Variants in SAR1A observed in about 807,000 individuals in gnomAD.
SAR1A encodes the protein secretion associated Ras related GTPase 1A.
In SAR1A, 6 loss-of-function variants were observed where a neutral mutation model predicts 22.6. The observed-to-expected ratio is 0.27, with a 90% CI of 0.15 to 0.52. SAR1A has a LOEUF of 0.52. Ranked by LOEUF, SAR1A falls within the 20% of genes least tolerant of loss-of-function variation. The pLI is 0.96. For missense variants in SAR1A, 145 were observed against 245.1 expected (o/e 0.59, Z 2.73); for synonymous variants, 70 against 82.2 (o/e 0.85, Z 0.80).
In SAR1A at chr10:70,170,402, C is replaced by T. The variant is rs1449279648; in HGVS notation, c.-17+11G>A. ...CCCAACTCCCCTCCCCGACGCGACC[C>T]TCAGACTCACGGCCTGAGGGGCTCC... On this transcript the variant is annotated intron_variant, in intron 1 of 6. Transcript: ENST00000373241. The T allele has an allele frequency of 6.6e-6, 1 of 151,836 alleles. No homozygotes were observed. The highest frequency in any genetic ancestry group is 2.4e-5 in the African/African-American group (1 of 41,282). The allele number at this position is 151,836 out of a possible 1,614,324, so 9.4% of individuals were successfully genotyped here.
rs1839614639 is a variant in SAR1A at position 70,170,485 on chromosome 10, C to A, written c.-89G>T. The A allele has an allele frequency of 6.6e-6, 1 of 152,656 alleles. No individual in the cohort carries two copies. The highest frequency in any genetic ancestry group is 2.4e-5 in the African/African-American group (1 of 41,426). The allele number at this position is 152,656 out of a possible 1,614,324, so 9.5% of individuals were successfully genotyped here. On this transcript the variant is annotated 5_prime_UTR_variant, in exon 1 of 7. Coordinates refer to ENST00000373241, the MANE Select transcript of SAR1A (RefSeq NM_020150.5). ...CTCAGAGCACACTAACCAGCAGCAC[C>A]CGGGACCGCCAGCTACTCGCCGGAT...
chr10:70,165,252 G>A (rs554406761), intron 1 of SAR1A, among the ~76,000 whole-genome samples: 17 of 128,728 alleles, frequency 1.3e-4, no homozygotes, highest in African/African-American at 3.2e-4. Context: ...GCGACAGAGC[G>A]AGACTCCGTC....
chr10:70,164,425 T>C (rs1839518869), intron 1 of SAR1A, among the ~76,000 whole-genome samples: 1 of 152,234 alleles, frequency 6.6e-6, no homozygotes, highest in South Asian at 2.1e-4. Flanking sequence ...TTATGCCTTT[T>C]TTTAAAGTAG....
chr10:70,161,161 G>T, intron 3 of SAR1A, 92 bp from the exon 4 acceptor site: 1 of 936,540 alleles, frequency 1.1e-6, no homozygotes, highest in Non-Finnish European at 1.6e-6. Context: ...CTTTCATCTT[G>T]TAAAGAAAAA....
intron 1 of SAR1A, among the ~76,000 whole-genome samples, chr10:70,163,213 A>G (rs943575118): frequency 6.6e-6 from 1 of 152,254 alleles, no homozygotes; most frequent in African/African-American, 2.4e-5. Flanking sequence ...ACGTCAAGAA[A>G]ATGAAACAGC....
chr10:70,157,242 A>C (rs1268029468), intron 5 of SAR1A, among the ~76,000 whole-genome samples: 3 of 151,948 alleles, frequency 2.0e-5, no homozygotes, highest in Non-Finnish European at 2.9e-5. Flanking sequence ...GTCGCTACTA[A>C]AAATACAAAA....
intron 1 of SAR1A, among the ~76,000 whole-genome samples, chr10:70,169,846 T>C (rs1839602608): frequency 6.6e-6 from 1 of 152,126 alleles, no homozygotes; most frequent in Non-Finnish European, 1.5e-5. Context: ...AGGAAATTTT[T>C]CCATGCAGAG....
intron 5 of SAR1A, among the ~76,000 whole-genome samples, chr10:70,156,576 G>A (rs1839389640): frequency 1.3e-5 from 2 of 151,914 alleles, no homozygotes; most frequent in African/African-American, 4.8e-5. Context: ...GGAGGCTGAG[G>A]CAGGAATATC....
chr10:70,158,651 G>A (rs558786201), intron 4 of SAR1A, among the ~76,000 whole-genome samples: 1 of 151,658 alleles, frequency 6.6e-6, no homozygotes, highest in Non-Finnish European at 1.5e-5. Context: ...AGTGGAGCTA[G>A]GAAAAAGAGG....
intron 1 of SAR1A, among the ~76,000 whole-genome samples, chr10:70,166,412 T>A (rs952002948): frequency 3.3e-5 from 5 of 152,178 alleles, no homozygotes; most frequent in Non-Finnish European, 2.9e-5. Context: ...AAAATAAGAA[T>A]GAAAAGCACA....
At chr10:70,159,206 G>C (rs953120815) in intron 4 of SAR1A, among the ~76,000 whole-genome samples, 3 of 151,952 alleles carry the variant, frequency 2.0e-5, no homozygotes, top group East Asian at 3.8e-4. Context: ...TCAATATTTT[G>C]ATATTTTCTT....
In SAR1A at chr10:70,148,881, A is replaced by C. The variant is rs1839295298; in HGVS notation, c.*3595T>G. The C allele has an allele frequency of 6.6e-6, 1 of 152,446 alleles. No homozygotes were observed. Among genetic ancestry groups the C allele is most frequent in the Admixed American group, 6.5e-5 (1 of 15,292 alleles). The allele number at this position is 152,446 out of a possible 1,614,324, so 9.4% of individuals were successfully genotyped here. On this transcript the variant is annotated 3_prime_UTR_variant, in exon 7 of 7. Coordinates refer to ENST00000373241, the MANE Select transcript of SAR1A (RefSeq NM_020150.5). ...AAGACTCCAGCATGAACTGTTAGGC[A>C]TTGGGTTTTTCTGTGTTTACAGCAG... is the stretch of plus-strand genomic sequence containing the variant.
intron 1 of SAR1A, chr10:70,163,625 G>A (rs1839504978): frequency 1.4e-6 from 1 of 706,730 alleles, no homozygotes; most frequent in South Asian, 1.5e-5. Context: ...TCCAAGTGGA[G>A]CAAGTGAGCG....
Position 70,163,794 on chromosome 10 carries a change from T to C in SAR1A, c.-16-1863A>G, listed in dbSNP as rs1031872237. The stretch of plus-strand genomic sequence containing the variant: ...ACAACAAAGAAACTAGGAACTGTAA[T>C]GAGGTCTCAGGCAGAATCCCACAGA... On this transcript the variant is annotated intron_variant, in intron 1 of 6. Coordinates refer to ENST00000373241, the MANE Select transcript of SAR1A (RefSeq NM_020150.5). 5.7e-5 allele frequency: 73 copies of C among 1,284,326 alleles called. No individual in the cohort carries two copies. In the Admixed American group the frequency reaches 1.2e-3, roughly 21 times the overall value. 79.6% of individuals were successfully genotyped at this position (1,284,326 alleles called of 1,614,324 possible).
chr10:70,162,728 G>GT (rs1243291154), intron 1 of SAR1A: 10 of 152,166 alleles, frequency 6.6e-5, no homozygotes, highest in Non-Finnish European at 8.8e-5. Context: ...AGGTTTTCTG[G>GT]TTTTTTTACA....
chr10:70,159,020 G>C (rs769921939), intron 4 of SAR1A, among the ~76,000 whole-genome samples: 1 of 152,064 alleles, frequency 6.6e-6, no homozygotes, highest in Non-Finnish European at 1.5e-5. Context: ...AGATGGTCTA[G>C]GTTCAGTCTT....
intron 4 of SAR1A, among the ~76,000 whole-genome samples, chr10:70,158,796 T>C (rs1206330409): frequency 6.6e-6 from 1 of 150,516 alleles, no homozygotes; most frequent in Non-Finnish European, 1.5e-5. Flanking sequence ...TACAGTACTT[T>C]AGTAACTTTT....
intron 1 of SAR1A, among the ~76,000 whole-genome samples, chr10:70,162,464 G>A (rs988317663): frequency 1.9e-4 from 25 of 134,606 alleles, no homozygotes; most frequent in Admixed American, 1.5e-3. Context: ...AGAGGGGAGG[G>A]GAGGCGGGGC....
chr10:70,148,124 C>A lies in SAR1A; in HGVS notation c.*4352G>T, dbSNP rs1043603081. ...CGATCTCCTGACCTTGTGATCCGCC[C>A]GCCTCGGCCTCCCAAAGTGCTGGGA... is the stretch of plus-strand genomic sequence containing the variant. On this transcript the variant is annotated 3_prime_UTR_variant, in exon 7 of 7. Coordinates refer to ENST00000373241, the MANE Select transcript of SAR1A (RefSeq NM_020150.5). 7 of 152,198 alleles carry A rather than the reference C, an allele frequency of 4.6e-5. No homozygotes were observed. Among genetic ancestry groups the A allele is most frequent in the Admixed American group, 3.9e-4 (6 of 15,280 alleles). 9.4% of individuals were successfully genotyped at this position (152,198 alleles called of 1,614,324 possible).
Sources: allele counts gnomAD v4.1 joint callset (sites outside exome capture counted in the v4.1 genomes callset), GRCh38; gene constraint gnomAD v4.1.1; transcripts MANE v1.5; gene names NCBI Gene and HGNC (gene_info 2026-07-23, HGNC 2026-07-21).